Variants in TMEM74 observed in about 807,000 individuals in gnomAD.
TMEM74 encodes the protein transmembrane protein 74.
Under a neutral mutation model 18.1 loss-of-function variants are expected in TMEM74, and 13 were observed. The observed-to-expected ratio is 0.72, with a 90% CI of 0.47 to 1.14. The LOEUF (loss-of-function observed/expected upper bound fraction) is 1.14, where lower values mean the gene tolerates loss of function less well. Among genes scored for constraint, TMEM74 ranks in the 50% most tolerant of loss-of-function variants. TMEM74 has a pLI of 0.00. For synonymous variants in TMEM74, 159 were observed against 146.6 expected (o/e 1.08, Z -0.61); for missense variants, 372 against 375.9 (o/e 0.99, Z 0.09).
At chr8:108,702,927 T>TAA (rs34327038) in intron 1 of TMEM74, among the ~76,000 whole-genome samples, 4,336 of 141,664 alleles carry the variant, frequency 0.031, 117 homozygotes, top group African/African-American at 0.068. Flanking sequence ...GGAATTTTGT[T>TAA]AAAAAAAAAA....
chr8:108,633,347 G>A (rs1812575062), intron 2 of TMEM74, among the ~76,000 whole-genome samples: 2 of 152,076 alleles, frequency 1.3e-5, no homozygotes, highest in South Asian at 4.1e-4. Context: ...TAAAAAATTT[G>A]TGCTGCTATC....
chr8:108,681,047 C>T (rs771779543), intron 1 of TMEM74, among the ~76,000 whole-genome samples: 2 of 152,216 alleles, frequency 1.3e-5, no homozygotes, highest in Non-Finnish European at 2.9e-5. Context: ...GCATTCCATG[C>T]TCATGGGTAG....
At chr8:108,768,703 C>T (rs533769250) in intron 1 of TMEM74, among the ~76,000 whole-genome samples, 5 of 152,216 alleles carry the variant, frequency 3.3e-5, no homozygotes, top group Admixed American at 6.5e-5. Flanking sequence ...TATGAGGGTC[C>T]GCTTTTCTGC....
intron 2 of TMEM74, among the ~76,000 whole-genome samples, chr8:108,633,673 T>C (rs1812577619): frequency 6.6e-6 from 1 of 151,948 alleles, no homozygotes; most frequent in South Asian, 2.1e-4. Flanking sequence ...TCTTACTATG[T>C]TCTCTCTCTC....
intron 1 of TMEM74, among the ~76,000 whole-genome samples, chr8:108,664,501 G>A (rs540779734): frequency 2.0e-5 from 3 of 152,162 alleles, no homozygotes; most frequent in East Asian, 1.9e-4. Context: ...TCAAGACTTC[G>A]TTAAAGTTGT....
chr8:108,757,692 T>C (rs1350096081), intron 1 of TMEM74, among the ~76,000 whole-genome samples: 2 of 152,008 alleles, frequency 1.3e-5, no homozygotes, highest in African/African-American at 4.8e-5. Flanking sequence ...ATATAATTGC[T>C]TTAGAGAAAA....
chr8:108,753,333 T>A (rs1180055151), intron 1 of TMEM74, among the ~76,000 whole-genome samples: 1 of 152,056 alleles, frequency 6.6e-6, no homozygotes, highest in Admixed American at 6.6e-5. Flanking sequence ...CAGCCTGATA[T>A]TTCCCCCAGT....
intron 1 of TMEM74, among the ~76,000 whole-genome samples, chr8:108,754,453 C>T (rs1032912849): frequency 4.6e-5 from 7 of 151,914 alleles, no homozygotes; most frequent in African/African-American, 1.7e-4. Flanking sequence ...TGGGCAGAAG[C>T]TATGACTTCT....
chr8:108,750,074 C>T (rs935342727), intron 1 of TMEM74, among the ~76,000 whole-genome samples: 1 of 152,056 alleles, frequency 6.6e-6, no homozygotes, highest in Non-Finnish European at 1.5e-5. Flanking sequence ...TTTTCAGCAG[C>T]ATTTTCAAAA....
At chr8:108,712,611 C>T (rs1813485193) in intron 1 of TMEM74, among the ~76,000 whole-genome samples, 1 of 152,182 alleles carries the variant, frequency 6.6e-6, no homozygotes, top group Non-Finnish European at 1.5e-5. Flanking sequence ...CCAGTTTTGA[C>T]ACTCCATGCT....
chr8:108,706,533 A>G (rs1179253274), intron 1 of TMEM74, among the ~76,000 whole-genome samples: 5 of 152,326 alleles, frequency 3.3e-5, no homozygotes, highest in East Asian at 3.9e-4. Flanking sequence ...TGAATTGCAC[A>G]TTGAAGGTGG....
At chr8:108,677,300 G>A (rs1813064013) in intron 1 of TMEM74, among the ~76,000 whole-genome samples, 1 of 152,010 alleles carries the variant, frequency 6.6e-6, no homozygotes, top group Non-Finnish European at 1.5e-5. Flanking sequence ...TTGTAAAATT[G>A]TAATTAATTA....
chr8:108,633,671 T>TG (rs1812577589), intron 2 of TMEM74, among the ~76,000 whole-genome samples: 1 of 151,990 alleles, frequency 6.6e-6, no homozygotes, highest in African/African-American at 2.4e-5. Context: ...CATCTTACTA[T>TG]GTTCTCTCTC....
At chr8:108,698,031 TCC>T (rs1813297719) in intron 1 of TMEM74, among the ~76,000 whole-genome samples, 1 of 152,180 alleles carries the variant, frequency 6.6e-6, no homozygotes, top group African/African-American at 2.4e-5. Flanking sequence ...TGGTTTTTTT[TCC>T]TCCTTAATCA....
chr8:108,721,664 G>A (rs560047503), intron 1 of TMEM74, among the ~76,000 whole-genome samples: 1 of 152,236 alleles, frequency 6.6e-6, no homozygotes, highest in East Asian at 1.9e-4. Flanking sequence ...TAAATTATGT[G>A]GTTTACGATT....
In TMEM74 at chr8:108,692,197, A is replaced by G. The variant is rs750756025; in HGVS notation, n.120-36760T>C. On this transcript the variant is annotated intron_variant and non_coding_transcript_variant, in intron 1 of 3. Transcript: ENST00000518838. ...ATGAAGTCATAGTCAGGATCACACT[A>G]TCTGCTGCCCAGTCTGACTTCTGGC... Among the ~76,000 whole-genome samples, 8 of 152,324 alleles carry G rather than the reference A, an allele frequency of 5.3e-5. No homozygotes were observed. In the Middle Eastern group the frequency reaches 0.017, roughly 324 times the overall value.
At chr8:108,725,545 GA>G in intron 1 of TMEM74, among the ~76,000 whole-genome samples, 1 of 152,084 alleles carries the variant, frequency 6.6e-6, no homozygotes, top group Non-Finnish European at 1.5e-5. Flanking sequence ...TAAATGTTTA[GA>G]AAATTAGACT....
chr8:108,657,883 T>TATATATATATATTAATTAC (rs1563742336), intron 1 of TMEM74, among the ~76,000 whole-genome samples: 4 of 113,826 alleles, frequency 3.5e-5, no homozygotes, highest in African/African-American at 1.4e-4. Context: ...TATATATATA[T>TATATATATATATTAATTAC]ATATATATAT....
chr8:108,779,296 C>A lies in TMEM74; in HGVS notation c.*4885G>T, dbSNP rs1269178805. Among the ~76,000 whole-genome samples the A allele has an allele frequency of 6.6e-6, 1 of 152,080 alleles. No homozygotes were observed. Among genetic ancestry groups the A allele is most frequent in the Non-Finnish European group, 1.5e-5 (1 of 67,996 alleles). On this transcript the variant is annotated 3_prime_UTR_variant, in exon 2 of 2. Transcript: ENST00000297459. ...CCACAGGGTACAAACTCTCAATACA[C>A]AATATGTAATAATTAATCTTTCTTT...
Sources: gnomAD v4.1 joint callset for allele counts (sites outside exome capture counted in the v4.1 genomes callset) on GRCh38, gnomAD v4.1.1 for gene constraint, MANE v1.5 for transcripts, NCBI Gene and HGNC (gene_info 2026-07-23, HGNC 2026-07-21) for gene names.